MCPH1: variants seen among roughly 807,000 people sequenced by gnomAD.
The protein encoded by MCPH1 is microcephalin 1, also known as microcephalin.
MCPH1 carries 104 observed loss-of-function variants against 84.5 expected under a neutral mutation model. The observed-to-expected ratio is 1.23, with a 90% CI of 1.05 to 1.45. The LOEUF (loss-of-function observed/expected upper bound fraction) is 1.45. Ranked by LOEUF, MCPH1 falls within the 40% of genes most tolerant of loss-of-function variation. The pLI is 0.00. For missense variants in MCPH1, 1,498 were observed against 1,005.7 expected, an observed-to-expected ratio of 1.49 and a Z score of -6.62; for synonymous variants, 514 against 366.8, an observed-to-expected ratio of 1.40 and a Z score of -4.58.
intron 3 of MCPH1, among the ~76,000 whole-genome samples, chr8:6,419,192 T>C (rs565931565): frequency 7.9e-6 from 1 of 126,846 alleles, no homozygotes; most frequent in East Asian, 2.4e-4. Flanking sequence ...CACACACGCA[T>C]TTTTACCCCA....
intron 12 of MCPH1, among the ~76,000 whole-genome samples, chr8:6,544,127 T>G (rs1196977247): frequency 6.6e-6 from 1 of 152,232 alleles, no homozygotes; most frequent in African/African-American, 2.4e-5. Flanking sequence ...AAACATAACT[T>G]TTATCTTCAT....
chr8:6,438,155 T>A (rs1290268267), intron 5 of MCPH1, among the ~76,000 whole-genome samples: 1 of 152,238 alleles, frequency 6.6e-6, no homozygotes, highest in Non-Finnish European at 1.5e-5. Flanking sequence ...CTTTGCTATG[T>A]CAGTGACAGT....
chr8:6,638,891 T>C (rs1252716835), intron 13 of MCPH1, among the ~76,000 whole-genome samples: 2 of 152,168 alleles, frequency 1.3e-5, no homozygotes, highest in Non-Finnish European at 2.9e-5. Context: ...CCTTGTTCAG[T>C]GGTCAGATGC....
intron 11 of MCPH1, among the ~76,000 whole-genome samples, chr8:6,493,786 A>T (rs965484231): frequency 4.6e-5 from 7 of 152,158 alleles, no homozygotes; most frequent in African/African-American, 1.7e-4. Flanking sequence ...CGTCCCAATG[A>T]TGTTAGTCAC....
At chr8:6,598,756 A>G (rs1279451000) in intron 12 of MCPH1, among the ~76,000 whole-genome samples, 3 of 152,198 alleles carry the variant, frequency 2.0e-5, no homozygotes, top group Non-Finnish European at 4.4e-5. Context: ...GCGTGGTGGG[A>G]CTAAGAAGAG....
intron 12 of MCPH1, among the ~76,000 whole-genome samples, chr8:6,530,971 A>G (rs748503089): frequency 3.0e-4 from 46 of 151,696 alleles, no homozygotes; most frequent in Non-Finnish European, 4.9e-4. Flanking sequence ...AATAATATGG[A>G]GTGGGGATTG....
chr8:6,440,968 T>G (rs1177189428), intron 6 of MCPH1, among the ~76,000 whole-genome samples: 1 of 152,222 alleles, frequency 6.6e-6, no homozygotes, highest in Non-Finnish European at 1.5e-5. Context: ...ATCTTTCTGT[T>G]GTACCTGCCT....
intron 12 of MCPH1, among the ~76,000 whole-genome samples, chr8:6,552,150 C>G (rs538079921): frequency 3.6e-4 from 55 of 152,302 alleles, no homozygotes; most frequent in African/African-American, 1.2e-3. Context: ...CTGCTTAACC[C>G]CAAAATGCCT....
chr8:6,466,127 GGATTTTTTTTTTTT>G (rs1342502637), intron 9 of MCPH1, among the ~76,000 whole-genome samples: 1 of 125,188 alleles, frequency 8.0e-6, no homozygotes, highest in Admixed American at 8.4e-5. Flanking sequence ...GCTAATTTTT[GGATTTTTTTTTTTT>G]TTTTTTTTTT....
Position 6,556,877 on chromosome 8 carries a change from C to T in MCPH1, c.2214+56948C>T, listed in dbSNP as rs1226727052. ...GCTCTAGGATTACAGGTGTGAGGCA[C>T]TGTGCCTGGCTTTAGGCATTTTCTT... On this transcript the variant is annotated intron_variant, in intron 12 of 13. Transcript: ENST00000344683. 2.6e-5 allele frequency among the ~76,000 whole-genome samples: 4 copies of T among 152,184 alleles called. No homozygotes were observed. In the East Asian group the frequency reaches 5.8e-4, roughly 22 times the overall value.
intron 3 of MCPH1, among the ~76,000 whole-genome samples, chr8:6,419,906 T>C (rs1020548114): frequency 1.3e-5 from 2 of 149,140 alleles, no homozygotes; most frequent in Non-Finnish European, 2.9e-5. Context: ...GATTTGCTTT[T>C]TCTTTGTTTT....
At chr8:6,614,194 T>C (rs1286312450) in intron 12 of MCPH1, among the ~76,000 whole-genome samples, 1 of 152,222 alleles carries the variant, frequency 6.6e-6, no homozygotes, top group Non-Finnish European at 1.5e-5. Flanking sequence ...TCTTTTGCAA[T>C]GATCAGCACT....
intron 12 of MCPH1, among the ~76,000 whole-genome samples, chr8:6,598,889 CTCTCA>C (rs1829144873): frequency 6.6e-6 from 1 of 152,268 alleles, no homozygotes; most frequent in Non-Finnish European, 1.5e-5. Flanking sequence ...AAATGCATTG[CTCTCA>C]TCTCAGCTCA....
chr8:6,541,356 G>A (rs1821534523), intron 12 of MCPH1, among the ~76,000 whole-genome samples: 1 of 152,190 alleles, frequency 6.6e-6, no homozygotes, highest in South Asian at 2.1e-4. Context: ...GTAACTCGGG[G>A]CCACGTGGAA....
chr8:6,503,027 G>T, intron 12 of MCPH1: 1 of 1,564,950 alleles, frequency 6.4e-7, no homozygotes, highest in Non-Finnish European at 8.7e-7. Context: ...ACAGTGCGCA[G>T]CCGTGACTTT....
At chr8:6,592,716 G>A (rs1475807836) in intron 12 of MCPH1, among the ~76,000 whole-genome samples, 9 of 146,600 alleles carry the variant, frequency 6.1e-5, no homozygotes, top group Admixed American at 2.1e-4. Flanking sequence ...GTGCAGTGGC[G>A]CTCTGTGGGC....
intron 4 of MCPH1, among the ~76,000 whole-genome samples, chr8:6,435,556 G>A (rs1182937619): frequency 6.6e-6 from 1 of 152,160 alleles, no homozygotes; most frequent in African/African-American, 2.4e-5. Flanking sequence ...TATGCCATCA[G>A]GTGTTTACTC....
rs752061477 is a variant in MCPH1 at position 6,444,484 on chromosome 8, C to T, written c.762C>T (p.Ser254=). 2 of 1,613,984 alleles carry T rather than the reference C, an allele frequency of 1.2e-6. No individual in the cohort carries two copies. Among genetic ancestry groups the T allele is most frequent in the Admixed American group, 3.3e-5 (2 of 60,008 alleles). Residue 254 remains serine (S), a synonymous_variant, in exon 8 of 14, where the codon TCC becomes TCT. Coordinates refer to ENST00000344683, the MANE Select transcript of MCPH1 (RefSeq NM_024596.5). ...ATCAGGAAAGGAAGTTGGAAGGATCCATTAATGACATTAAAAGTGATGTGT... is the reference window on the plus strand; with the variant it reads ...ATCAGGAAAGGAAGTTGGAAGGATCTATTAATGACATTAAAAGTGATGTGT... ...CGNQERKLEG[S]INDIKSDVCI...
At chr8:6,506,529 G>T (rs930644767) in intron 12 of MCPH1, among the ~76,000 whole-genome samples, 2 of 152,188 alleles carry the variant, frequency 1.3e-5, no homozygotes, top group Non-Finnish European at 1.5e-5. Context: ...CCTTCTCAAG[G>T]AGAGAGCTGG....
Sources: allele counts gnomAD v4.1 joint callset (sites outside exome capture counted in the v4.1 genomes callset), GRCh38; gene constraint gnomAD v4.1.1; transcripts MANE v1.5; gene names NCBI Gene and HGNC (gene_info 2026-07-23, HGNC 2026-07-21).